AGBL1: variants seen among roughly 807,000 people sequenced by gnomAD.
AGBL1 encodes AGBL carboxypeptidase 1, also known as cytosolic carboxypeptidase 4.
In AGBL1, 130 loss-of-function variants were observed where a neutral mutation model predicts 118.9. That is an observed-to-expected ratio of 1.09 (90% CI 0.95 to 1.26). The LOEUF is 1.26. Ranked by LOEUF, AGBL1 falls within the 50% of genes most tolerant of loss-of-function variation. The pLI, the probability that AGBL1 is intolerant of heterozygous loss-of-function variation, is 0.00. For synonymous variants in AGBL1, 555 were observed against 478.9 expected (o/e 1.16, Z -2.08); for missense variants, 1,584 against 1,298.1 (o/e 1.22, Z -3.38).
At chr15:86,477,911 T>C (rs2082586083) in intron 18 of AGBL1, among the ~76,000 whole-genome samples, 1 of 152,160 alleles carries the variant, frequency 6.6e-6, no homozygotes, top group Non-Finnish European at 1.5e-5. Context: ...ATCCCTGGGA[T>C]GCAAGGCTGA....
intron 18 of AGBL1, among the ~76,000 whole-genome samples, chr15:86,448,030 A>C (rs1029013406): frequency 2.6e-5 from 4 of 152,024 alleles, no homozygotes; most frequent in African/African-American, 9.7e-5. Flanking sequence ...CTGTGGTCCC[A>C]GCTGTTCCGG....
intron 18 of AGBL1, among the ~76,000 whole-genome samples, chr15:86,412,935 C>T (rs112863747): frequency 0.02 from 3,074 of 152,218 alleles, 43 homozygotes; most frequent in Middle Eastern, 0.068. Context: ...AATATCTTGA[C>T]TTTACTAATG....
chr15:86,611,598 A>G (rs2084655209), intron 21 of AGBL1, among the ~76,000 whole-genome samples: 1 of 152,146 alleles, frequency 6.6e-6, no homozygotes. Flanking sequence ...TCCTGTTGCA[A>G]TTTACAACAG....
At chr15:86,977,215 T>A (rs951742686) in intron 23 of AGBL1, among the ~76,000 whole-genome samples, 1 of 151,966 alleles carries the variant, frequency 6.6e-6, no homozygotes, top group Non-Finnish European at 1.5e-5. Context: ...ATATAAAAAT[T>A]CATTTTTTCA....
chr15:86,839,005 A>T (rs949972618), intron 22 of AGBL1, among the ~76,000 whole-genome samples: 1 of 147,478 alleles, frequency 6.8e-6, no homozygotes, highest in Non-Finnish European at 1.5e-5. Context: ...GAATGATTTA[A>T]TCTCCTTGGT....
intron 18 of AGBL1, among the ~76,000 whole-genome samples, chr15:86,484,151 A>G (rs775243294): frequency 3.9e-5 from 6 of 152,234 alleles, no homozygotes; most frequent in Non-Finnish European, 8.8e-5. Context: ...CTGCTGAAAG[A>G]GGAAGTATAC....
At chr15:86,720,573 C>A (rs999998045) in intron 22 of AGBL1, among the ~76,000 whole-genome samples, 1 of 152,148 alleles carries the variant, frequency 6.6e-6, no homozygotes, top group East Asian at 1.9e-4. Context: ...AGTTCCTCAG[C>A]TTTTCATTGC....
In AGBL1 at chr15:86,632,612, A is replaced by G. The variant is rs1444186721; in HGVS notation, c.2995-41661A>G. 6.0e-5 allele frequency among the ~76,000 whole-genome samples: 9 copies of G among 150,362 alleles called. No homozygotes were observed. The South Asian group carries it at 1.7e-3, about 28-fold the overall frequency. On this transcript the variant is annotated intron_variant, in intron 21 of 22. Coordinates refer to ENST00000614907, the MANE Select transcript of AGBL1 (RefSeq NM_001386094.1). ...CACTTCCAACCTTACTACCATGACAATAACTAAATCTCATCATGTTTTTTT... is the reference window on the plus strand; with the variant it reads ...CACTTCCAACCTTACTACCATGACAGTAACTAAATCTCATCATGTTTTTTT...
intron 22 of AGBL1, among the ~76,000 whole-genome samples, chr15:86,760,886 A>G (rs2078013311): frequency 6.6e-6 from 1 of 152,080 alleles, no homozygotes. Flanking sequence ...AAGGTCTACA[A>G]AAAAGTGAAG....
chr15:86,736,121 G>C (rs28532813), intron 22 of AGBL1, among the ~76,000 whole-genome samples: 1 of 152,056 alleles, frequency 6.6e-6, no homozygotes, highest in Non-Finnish European at 1.5e-5. Context: ...GGTGACTCTC[G>C]CCTATAATTC....
At chr15:87,026,587 G>A (rs2141813058) in intron 24 of AGBL1, among the ~76,000 whole-genome samples, 1 of 152,182 alleles carries the variant, frequency 6.6e-6, no homozygotes, top group South Asian at 2.1e-4. Context: ...CAACAGTGTG[G>A]AAATTCCTTA....
Position 86,433,266 on chromosome 15 carries a change from C to CTTTTTTTTTTTTTT in AGBL1, c.2555+35734_2555+35747dup, listed in dbSNP as rs59417397. ...TCTCCTCCTCCTCCTCCTCCTTCTT[C>CTTTTTTTTTTTTTT]TTTTTTTTTTTTTTTTTTTTTTTTT... is the stretch of plus-strand genomic sequence containing the variant. On this transcript the variant is annotated intron_variant, in intron 18 of 22. Coordinates refer to ENST00000614907, the MANE Select transcript of AGBL1 (RefSeq NM_001386094.1). Among the ~76,000 whole-genome samples, 717 of 74,836 alleles carry CTTTTTTTTTTTTTT rather than the reference C, an allele frequency of 9.6e-3. 168 individuals are homozygous for CTTTTTTTTTTTTTT. Among genetic ancestry groups the CTTTTTTTTTTTTTT allele is most frequent in the African/African-American group, 0.016 (299 of 18,976 alleles). The allele number at this position is 74,836 out of a possible 152,430, so 49.1% of individuals were successfully genotyped here.
intron 5 of AGBL1, among the ~76,000 whole-genome samples, chr15:86,201,175 G>A (rs797008284): frequency 2.6e-5 from 4 of 152,182 alleles, no homozygotes; most frequent in African/African-American, 9.6e-5. Flanking sequence ...AATAGGAATA[G>A]TCCAGGCTAC....
chr15:86,463,059 T>C (rs757562133), intron 18 of AGBL1, among the ~76,000 whole-genome samples: 1 of 152,084 alleles, frequency 6.6e-6, no homozygotes, highest in Non-Finnish European at 1.5e-5. Flanking sequence ...CCACCAACAG[T>C]GTAAAAGTGT....
chr15:87,021,840 A>G (rs1186888293), intron 24 of AGBL1, among the ~76,000 whole-genome samples: 1 of 152,142 alleles, frequency 6.6e-6, no homozygotes, highest in Non-Finnish European at 1.5e-5. Context: ...AACTGCAGGA[A>G]TAAATCAGGA....
chr15:86,493,017 A>C (rs1227566585), intron 18 of AGBL1, among the ~76,000 whole-genome samples: 1 of 152,128 alleles, frequency 6.6e-6, no homozygotes, highest in Non-Finnish European at 1.5e-5. Context: ...AACATGGCGA[A>C]ACCTCACCTC....
At chr15:86,383,120 T>C (rs11637570) in intron 17 of AGBL1, among the ~76,000 whole-genome samples, 1 of 151,602 alleles carries the variant, frequency 6.6e-6, no homozygotes, top group Non-Finnish European at 1.5e-5. Context: ...CATTGTGCTG[T>C]TCTCATGTGG....
intron 22 of AGBL1, among the ~76,000 whole-genome samples, chr15:86,769,970 G>T (rs1484322793): frequency 6.6e-6 from 1 of 151,890 alleles, no homozygotes; most frequent in African/African-American, 2.4e-5. Context: ...AGAAGATTCC[G>T]CTGGGCTCCT....
intron 22 of AGBL1, among the ~76,000 whole-genome samples, chr15:86,826,656 ATGTTAC>A (rs1360780712): frequency 6.6e-6 from 1 of 152,094 alleles, no homozygotes; most frequent in Admixed American, 6.6e-5. Flanking sequence ...GGTGCTGTTA[ATGTTAC>A]TGTTCTGGGG....
Sources: gnomAD v4.1 joint callset for allele counts (sites outside exome capture counted in the v4.1 genomes callset) on GRCh38, gnomAD v4.1.1 for gene constraint, MANE v1.5 for transcripts, NCBI Gene and HGNC (gene_info 2026-07-23, HGNC 2026-07-21) for gene names.